Variants in CKAP2L observed in about 807,000 individuals in gnomAD.
CKAP2L encodes cytoskeleton-associated protein 2-like.
In CKAP2L, 42 loss-of-function variants were observed where a neutral mutation model predicts 65.7. That is an observed-to-expected ratio of 0.64 (90% CI 0.50 to 0.83). The LOEUF (loss-of-function observed/expected upper bound fraction) is 0.83. Ranked by LOEUF, CKAP2L falls within the 40% of genes least tolerant of loss-of-function variation. CKAP2L has a pLI of 0.00. For missense variants in CKAP2L, 908 were observed against 871.0 expected, an observed-to-expected ratio of 1.04 and a Z score of -0.53; for synonymous variants, 325 against 313.5, an observed-to-expected ratio of 1.04 and a Z score of -0.39.
At chr2:112,755,010 T>C (rs1324333446) in intron 4 of CKAP2L, among the ~76,000 whole-genome samples, 3 of 152,348 alleles carry the variant, frequency 2.0e-5, no homozygotes, top group East Asian at 3.9e-4. Context: ...ACTTACTGTC[T>C]CTTCAGGAGG....
intron 3 of CKAP2L, among the ~76,000 whole-genome samples, chr2:112,758,297 C>T (rs193188291): frequency 6.6e-6 from 1 of 152,168 alleles, no homozygotes; most frequent in Non-Finnish European, 1.5e-5. Flanking sequence ...CTGAGCATCT[C>T]TCATGAAAGC....
Position 112,756,388 on chromosome 2 carries a change from A to T in CKAP2L, c.983T>A (p.Val328Glu). Residue 328 changes from valine (V) to glutamate (E), a missense_variant, in exon 4 of 9, where the codon GTG (valine) becomes GAG (glutamate). By Grantham distance (121) the Val-to-Glu change is moderately radical (BLOSUM62 -2). Transcript: ENST00000302450. ...IRSYPVTEQR[V>E]KHTKPRTYPS... ...GTATGTTCTGGGTTTGGTGTGCTTC[A>T]CTCTCTGTTCAGTAACAGGGTATGA... 1 of 1,613,648 alleles carries T rather than the reference A, an allele frequency of 6.2e-7. No individual in the cohort carries two copies. Among genetic ancestry groups the T allele is most frequent in the Non-Finnish European group, 8.5e-7 (1 of 1,179,884 alleles).
chr2:112,749,965 T>A (rs1244456737), intron 5 of CKAP2L, among the ~76,000 whole-genome samples: 2 of 152,098 alleles, frequency 1.3e-5, no homozygotes, highest in African/African-American at 4.8e-5. Flanking sequence ...TCTAGCATCT[T>A]TTTTTCCCCC....
Position 112,738,790 on chromosome 2 carries a change from T to C in CKAP2L, c.*33A>G. Reference sequence around the variant, plus strand: ...AATATTTCTTGTCTTATGTTGGTTCTGAAACACCTTTTTTAAAAAAAGCAT... The same window carrying C: ...AATATTTCTTGTCTTATGTTGGTTCCGAAACACCTTTTTTAAAAAAAGCAT... On this transcript the variant is annotated 3_prime_UTR_variant, in exon 9 of 9. Transcript: ENST00000302450. 1 of 1,431,990 alleles carries C rather than the reference T, an allele frequency of 7.0e-7. No homozygotes were observed. The allele number at this position is 1,431,990 out of a possible 1,614,324, so 88.7% of individuals were successfully genotyped here.
In CKAP2L at chr2:112,756,736, T is replaced by A. The variant is rs753213373; in HGVS notation, c.635A>T (p.Asp212Val). Residue 212 changes from aspartate (D) to valine (V), a missense_variant, in exon 4 of 9, where the codon GAC becomes GTC. Asp to Val is a radical substitution (Grantham distance 152). Transcript: ENST00000302450. Reference protein sequence around the residue: ...KLYTRSKPKTDSYNQTKNSLV... With the variant: ...KLYTRSKPKTVSYNQTKNSLV... ...ACTGTTCTTGGTTTGATTATAAGAG[T>A]CAGTCTTTGGCTTACTTCTGGTATA... 5 of 1,597,116 alleles carry A rather than the reference T, an allele frequency of 3.1e-6. No homozygotes were observed. The Admixed American group carries it at 5.4e-5, about 17-fold the overall frequency.
chr2:112,762,245 T>C (rs981057870), intron 2 of CKAP2L, among the ~76,000 whole-genome samples: 3 of 152,216 alleles, frequency 2.0e-5, no homozygotes, highest in African/African-American at 4.8e-5. Flanking sequence ...GCTTCCAGCA[T>C]GGTAGGTAAT....
chr2:112,744,914 G>A (rs1313527029), intron 6 of CKAP2L, among the ~76,000 whole-genome samples: 2 of 151,942 alleles, frequency 1.3e-5, no homozygotes, highest in African/African-American at 4.8e-5. Flanking sequence ...AAGAATAATA[G>A]AGAACAAAAC....
chr2:112,756,591 T>C lies in CKAP2L; in HGVS notation c.780A>G (p.Gln260=), dbSNP rs1320064091. ...TTGCAAGATCTGCTCCTCTAGAGAGTTGCTGTGATTTTACTGGGAAAGTCC... is the reference window on the plus strand; with the variant it reads ...TTGCAAGATCTGCTCCTCTAGAGAGCTGCTGTGATTTTACTGGGAAAGTCC... ...QSRTFPVKSQ[Q]LSRGADLARP... The change falls in exon 4 of 9, where the codon CAA becomes CAG. Residue 260 remains glutamine (Q), a synonymous_variant. Coordinates refer to ENST00000302450, the MANE Select transcript of CKAP2L (RefSeq NM_152515.5). 2 of 1,613,094 alleles carry C rather than the reference T, an allele frequency of 1.2e-6. No homozygotes were observed. Among genetic ancestry groups the C allele is most frequent in the Middle Eastern group, 1.7e-4 (1 of 6,052 alleles).
intron 4 of CKAP2L, among the ~76,000 whole-genome samples, chr2:112,755,732 TAAAAA>T (rs1240230705): frequency 6.7e-6 from 1 of 150,276 alleles, no homozygotes; most frequent in Non-Finnish European, 1.5e-5. Flanking sequence ...TTCAATTTCT[TAAAAA>T]GAAAAAAAAA....
At chr2:112,746,919 C>T (rs1429147713) in intron 5 of CKAP2L, among the ~76,000 whole-genome samples, 1 of 151,954 alleles carries the variant, frequency 6.6e-6, no homozygotes, top group Non-Finnish European at 1.5e-5. Context: ...TCCCCAGTAG[C>T]TGGGACTACA....
chr2:112,748,421 A>C (rs1402109153), intron 5 of CKAP2L, among the ~76,000 whole-genome samples: 1 of 147,636 alleles, frequency 6.8e-6, no homozygotes, highest in African/African-American at 2.5e-5. Flanking sequence ...TGAAATTAAG[A>C]AATTTCCCCC....
At position 112,752,585 on chromosome 2, in the gene CKAP2L, CA is replaced by C. The variant is rs1680406375; in HGVS notation, c.1395-112del. Reference sequence around the variant, plus strand: ...ATAATTAAATACTTTCAACTACAGACAAAATCAGGAGAATGGAATTAAAAAA... The same window carrying C: ...ATAATTAAATACTTTCAACTACAGACAAATCAGGAGAATGGAATTAAAAAA... On this transcript the variant is annotated intron_variant, in intron 4 of 8. Transcript: ENST00000302450. The C allele has an allele frequency of 7.1e-6, 5 of 700,000 alleles. No homozygotes were observed. In the East Asian group the frequency reaches 1.4e-4, roughly 19 times the overall value. 43.4% of individuals were successfully genotyped at this position (700,000 alleles called of 1,614,324 possible).
chr2:112,761,283 A>AC (rs923466249), intron 2 of CKAP2L, among the ~76,000 whole-genome samples: 2 of 151,884 alleles, frequency 1.3e-5, no homozygotes, highest in Non-Finnish European at 2.9e-5. Context: ...ACACAGTGAA[A>AC]CCCCATCGCT....
chr2:112,740,734 T>C (rs1558752716), intron 8 of CKAP2L, 84 bp downstream of exon 8: 2 of 1,125,904 alleles, frequency 1.8e-6, no homozygotes, highest in Non-Finnish European at 2.6e-6. Flanking sequence ...CAGGTCTCAG[T>C]TACTCTAGAT....
rs1679177616 is a variant in CKAP2L, at chr2:112,736,413, T to C, written c.*2410A>G. Among the ~76,000 whole-genome samples, 2 of 152,164 alleles carry C rather than the reference T, an allele frequency of 1.3e-5. No homozygotes were observed. The highest frequency in any genetic ancestry group is 2.4e-5 in the African/African-American group (1 of 41,408). On this transcript the variant is annotated 3_prime_UTR_variant, in exon 9 of 9. Transcript: ENST00000302450. ...TTACAACATGATGTTATGGGATACA[T>C]ATAGATAATAAAATGGCTGCTATAG...
chr2:112,746,492 T>C lies in CKAP2L; in HGVS notation c.1686A>G (p.Ala562=), dbSNP rs1680205206. ...AGGTGCCTTTACTTGCCAACAACTT[T>C]GCTTTGCAGATCCAGAATTTAGCAA... ...EKFAKFWICK[A]KLLASKGTFD... Residue 562 remains alanine, a synonymous_variant, in exon 6 of 9, where the codon GCA becomes GCG. Coordinates refer to ENST00000302450, the MANE Select transcript of CKAP2L (RefSeq NM_152515.5). The C allele has an allele frequency of 1.2e-6, 2 of 1,613,484 alleles. No individual in the cohort carries two copies. The highest frequency in any genetic ancestry group is 4.5e-5 in the East Asian group (2 of 44,826).
chr2:112,742,509 C>A, intron 7 of CKAP2L, 197 bp downstream of exon 7: 1 of 718,750 alleles, frequency 1.4e-6, no homozygotes, highest in South Asian at 1.5e-5. Context: ...AACCTTTGTT[C>A]AGTATTGAGT....
rs373660205 is a variant in CKAP2L, at chr2:112,757,132, G to A, written c.239C>T (p.Pro80Leu). The A allele has an allele frequency of 1.7e-5, 28 of 1,614,018 alleles. No individual in the cohort carries two copies. In the African/African-American group the frequency reaches 1.9e-4, roughly 11 times the overall value. The change falls in exon 4 of 9, where the codon CCC becomes CTC. Residue 80 changes from proline (P) to leucine (L), a missense_variant. Coordinates refer to ENST00000302450, the MANE Select transcript of CKAP2L (RefSeq NM_152515.5). Reference sequence around the variant, plus strand: ...GGACCCTGCAGTATTAGGTGGTCTGGGCTGGAGTTTAATGCTGATGGACCT... The same window carrying A: ...GGACCCTGCAGTATTAGGTGGTCTGAGCTGGAGTTTAATGCTGATGGACCT... The part of the protein sequence containing the change: ...PKRSISIKLQ[P>L]RPPNTAGSQK...
rs113481049 is a variant in CKAP2L, at chr2:112,758,815, C to T, written c.157-1601G>A. Among the ~76,000 whole-genome samples, 12 of 152,298 alleles carry T rather than the reference C, an allele frequency of 7.9e-5. 2 individuals are homozygous for T. The highest frequency in any genetic ancestry group is 2.9e-4 in the African/African-American group (12 of 41,552). ...ATTTTAGTATAGCCACACTATTATA[C>T]AGCAATCACCACTGTCTAATTCCAG... On this transcript the variant is annotated intron_variant, in intron 3 of 8. Coordinates refer to ENST00000302450, the MANE Select transcript of CKAP2L (RefSeq NM_152515.5).
Sources: gnomAD v4.1 joint callset for allele counts (sites outside exome capture counted in the v4.1 genomes callset) on GRCh38, gnomAD v4.1.1 for gene constraint, MANE v1.5 for transcripts, NCBI Gene and HGNC (gene_info 2026-07-23, HGNC 2026-07-21) for gene names.